SRGAP2: variants seen among roughly 807,000 people sequenced by gnomAD.
SRGAP2 encodes SLIT-ROBO Rho GTPase-activating protein 2.
SRGAP2 carries 15 observed loss-of-function variants against 57.2 expected under a neutral mutation model. The ratio of observed to expected loss-of-function variants is 0.26; its 90% CI spans 0.18 to 0.40. The LOEUF is 0.40. SRGAP2 is among the 10% of genes least tolerant of loss of function. The pLI is 1.00. For missense variants in SRGAP2, 520 were observed against 669.6 expected (o/e 0.78, Z 2.47); for synonymous variants, 249 against 248.0 (o/e 1.00, Z -0.04).
intron 12 of SRGAP2, among the ~76,000 whole-genome samples, chr1:206,420,871 T>A (rs1359878931): frequency 2.0e-5 from 3 of 152,236 alleles, no homozygotes; most frequent in Non-Finnish European, 4.4e-5. Context: ...TCCTTTGGTG[T>A]TTCCCAGTGT....
intron 2 of SRGAP2, among the ~76,000 whole-genome samples, chr1:206,257,588 A>G (rs1205470704): frequency 4.2e-5 from 6 of 143,218 alleles, no homozygotes; most frequent in African/African-American, 1.6e-4. Context: ...AACAATTTAG[A>G]TAATAGATAT....
intron 3 of SRGAP2, among the ~76,000 whole-genome samples, chr1:206,335,497 C>T (rs1674708245): frequency 6.6e-6 from 1 of 150,850 alleles, no homozygotes; most frequent in Non-Finnish European, 1.5e-5. Flanking sequence ...GTGGCTGATG[C>T]ACAGTTTAGG....
chr1:206,440,002 C>G lies in SRGAP2; in HGVS notation c.1795C>G (p.Leu599Val), dbSNP rs1558435435. 1.3e-6 allele frequency: 1 copy of G among 780,756 alleles called. No homozygotes were observed. 48.4% of individuals were successfully genotyped at this position (780,756 alleles called of 1,614,324 possible). Residue 599 changes from leucine (L) to valine (V), a missense_variant, in exon 17 of 23, where the codon CTG (leucine) becomes GTG (valine). Transcript: ENST00000573034. ...AATGGACAACCTGCAGGAGAGAGCTCTGCACATCCGGAAAGTCCTCCTAGT... is the reference window on the plus strand; with the variant it reads ...AATGGACAACCTGCAGGAGAGAGCTGTGCACATCCGGAAAGTCCTCCTAGT... ...VTMDNLQERA[L>V]HIRKVLLVLP... is the part of the protein sequence containing the mutation.
At chr1:206,255,104 T>C (rs1669104157) in intron 2 of SRGAP2, among the ~76,000 whole-genome samples, 1 of 145,626 alleles carries the variant, frequency 6.9e-6, no homozygotes, top group East Asian at 2.2e-4. Context: ...CCCTGTGTTC[T>C]ACCAGCATTC....
At chr1:206,304,031 A>G (rs1223741089) in intron 3 of SRGAP2, among the ~76,000 whole-genome samples, 68,745 of 151,298 alleles carry the variant, frequency 0.45, 15,740 homozygotes, top group East Asian at 0.68. Flanking sequence ...ATTAGAAGAA[A>G]TAAATGATGT....
At chr1:206,424,269 T>G (rs11119945) in intron 13 of SRGAP2, among the ~76,000 whole-genome samples, 1 of 151,856 alleles carries the variant, frequency 6.6e-6, no homozygotes, top group Non-Finnish European at 1.5e-5. Context: ...TACCAAAAAA[T>G]AAAAAAGTGT....
In SRGAP2 at chr1:206,286,757, G is replaced by A. The variant is rs1671047564; in HGVS notation, c.68-16524G>A. Among the ~76,000 whole-genome samples the A allele has an allele frequency of 5.7e-4, 86 of 150,766 alleles. 1 individual carries two copies. The highest frequency in any genetic ancestry group is 1.5e-5 in the Non-Finnish European group (1 of 67,728). ...GAGCTAACCACGTGACTGTGGGGAA[G>A]TATGCTTCCAGCGAAGGGAAGCATA... On this transcript the variant is annotated intron_variant, in intron 2 of 22. Transcript: ENST00000573034.
intron 3 of SRGAP2, among the ~76,000 whole-genome samples, chr1:206,312,740 T>C (rs1672751510): frequency 6.6e-6 from 1 of 152,198 alleles, no homozygotes; most frequent in Admixed American, 6.5e-5. Context: ...TGCTAATGTC[T>C]GAAATTCTGT....
intron 10 of SRGAP2, among the ~76,000 whole-genome samples, chr1:206,409,566 G>A (rs1371692904): frequency 2.0e-4 from 31 of 152,136 alleles, no homozygotes; most frequent in Middle Eastern, 3.2e-3. Context: ...TGGGTCTCTT[G>A]AGGCCAGGAG....
chr1:206,358,055 T>G (rs112863702), intron 4 of SRGAP2, among the ~76,000 whole-genome samples: 1 of 149,648 alleles, frequency 6.7e-6, no homozygotes, highest in African/African-American at 2.5e-5. Context: ...GGAGAGAGGG[T>G]TTTTCCCCCT....
intron 2 of SRGAP2, among the ~76,000 whole-genome samples, chr1:206,247,520 AG>A (rs1342305503): frequency 6.6e-6 from 1 of 152,154 alleles, no homozygotes; most frequent in Admixed American, 6.5e-5. Flanking sequence ...TACTAAAGAC[AG>A]TGTCCTCTGT....
rs1295347840 is a variant in SRGAP2, at chr1:206,454,315, G to T, written c.2361-563G>T. 17 of 640,048 alleles carry T rather than the reference G, an allele frequency of 2.7e-5. No homozygotes were observed. The highest frequency in any genetic ancestry group is 7.6e-4 in the Middle Eastern group (2 of 2,648). The allele number at this position is 640,048 out of a possible 1,614,324, so 39.6% of individuals were successfully genotyped here. ...ACAGGATCAAGAGAAGATGAATTGT[G>T]GGGGAGAAGGGGCTTTCTTTGTCAT... On this transcript the variant is annotated intron_variant, in intron 20 of 22. Transcript: ENST00000573034. This position sits in a 1 kb window ranked among gnomAD's most constrained non-coding sequence, Gnocchi z 4.3.
Position 206,462,808 on chromosome 1 carries a change from ACCCTTGTCTGCT to A in SRGAP2, c.*1391_*1402del, listed in dbSNP as rs1410293063. 2 of 152,034 alleles carry A rather than the reference ACCCTTGTCTGCT, an allele frequency of 1.3e-5. No homozygotes were observed. The highest frequency in any genetic ancestry group is 1.3e-4 in the Admixed American group (2 of 15,254). 9.4% of individuals were successfully genotyped at this position (152,034 alleles called of 1,614,324 possible). On this transcript the variant is annotated 3_prime_UTR_variant, in exon 23 of 23. Transcript: ENST00000573034. ...TTCCCTTCCAAAATGCACAAATCAT[ACCCTTGTCTGCT>A]CCAATTCAGTCTCCAAACCTGGTGC... is the stretch of plus-strand genomic sequence containing the variant.
intron 4 of SRGAP2, among the ~76,000 whole-genome samples, chr1:206,378,797 AC>A (rs1655454051): frequency 6.6e-6 from 1 of 152,216 alleles, no homozygotes; most frequent in Admixed American, 6.5e-5. Context: ...TGTAACACTC[AC>A]CGCGAAGGTC....
chr1:206,237,281 C>G (rs1265686708), intron 2 of SRGAP2, among the ~76,000 whole-genome samples: 28 of 152,024 alleles, frequency 1.8e-4, no homozygotes, highest in Non-Finnish European at 3.2e-4. Flanking sequence ...CAGAGTGAGA[C>G]CCTGTCTCAG....
At position 206,303,278 on chromosome 1, in the gene SRGAP2, T is replaced by C; in HGVS notation, c.68-3T>C. ...TGACTGTCTTCTCTTGTTTTTGTTG[T>C]AGAGATCCGTGCTCAGCTCACAGAG... On this transcript the variant is annotated splice_polypyrimidine_tract_variant and splice_region_variant and intron_variant, in intron 2 of 22. Transcript: ENST00000573034. 3 of 1,442,106 alleles carry C rather than the reference T, an allele frequency of 2.1e-6. No homozygotes were observed. The highest frequency in any genetic ancestry group is 2.9e-5 in the South Asian group (2 of 69,736). The allele number at this position is 1,442,106 out of a possible 1,614,324, so 89.3% of individuals were successfully genotyped here.
intron 17 of SRGAP2, among the ~76,000 whole-genome samples, chr1:206,444,468 C>T (rs924444749): frequency 1.3e-5 from 2 of 152,242 alleles, no homozygotes; most frequent in African/African-American, 2.4e-5. Flanking sequence ...GACCATCAGG[C>T]TTCCCAGACA....
At chr1:206,236,398 C>T (rs1667910236) in intron 2 of SRGAP2, among the ~76,000 whole-genome samples, 1 of 152,230 alleles carries the variant, frequency 6.6e-6, no homozygotes. Context: ...TACCTTTTCT[C>T]AACACCTGCG....
Position 206,453,202 on chromosome 1 carries a change from T to C in SRGAP2, c.2182T>C (p.Cys728Arg). Residue 728 changes from cysteine to arginine, a missense_variant and splice_region_variant, in exon 20 of 23, where the codon TGT becomes CGT. This residue lies in a region of SRGAP2 where 478 missense variants were observed against 373.6 expected (regional missense o/e 1.28). Coordinates refer to ENST00000573034, the MANE Select transcript of SRGAP2 (RefSeq NM_015326.5). ...TACTTCTTTTCCACCCTTCTCAGAA[T>C]GTGAGCCCATCGAGGCCATTGCCAA... ...TAEHHTSDDE[C>R]EPIEAIAKFD... is the part of the protein sequence containing the mutation. 1.9e-6 allele frequency: 1 copy of C among 525,640 alleles called. No homozygotes were observed. Among genetic ancestry groups the C allele is most frequent in the Non-Finnish European group, 3.6e-6 (1 of 278,244 alleles). 32.6% of individuals were successfully genotyped at this position (525,640 alleles called of 1,614,324 possible).
Sources: allele counts gnomAD v4.1 joint callset (sites outside exome capture counted in the v4.1 genomes callset), GRCh38; gene constraint gnomAD v4.1.1; regional missense constraint gnomAD v4.1.1; non-coding constraint Gnocchi (gnomAD v3.1); transcripts MANE v1.5; gene names NCBI Gene and HGNC (gene_info 2026-07-23, HGNC 2026-07-21).